Variants in LMF1 observed in about 807,000 individuals in gnomAD.
LMF1 encodes the protein transmembrane protein 112.
In LMF1, 68 loss-of-function variants were observed where a neutral mutation model predicts 60.6. The ratio of observed to expected loss-of-function variants is 1.12; its 90% CI spans 0.92 to 1.37. The LOEUF (loss-of-function observed/expected upper bound fraction) is 1.37, where lower values mean the gene tolerates loss of function less well. Among genes scored for constraint, LMF1 ranks in the 40% most tolerant of loss-of-function variants. The pLI, the probability that LMF1 is intolerant of heterozygous loss-of-function variation, is 0.00. For missense variants in LMF1, 948 were observed against 767.2 expected, an observed-to-expected ratio of 1.24 and a Z score of -2.78; for synonymous variants, 418 against 324.7, an observed-to-expected ratio of 1.29 and a Z score of -3.09.
At chr16:855,236 G>C (rs2069153616) in intron 10 of LMF1, 1 of 239,216 alleles carries the variant, frequency 4.2e-6, no homozygotes, top group Admixed American at 5.2e-5. Context: ...CGGAGCCTCT[G>C]CTTCCCAGGG....
chr16:870,666 G>A (rs916238059), intron 8 of LMF1, 63 bp downstream of exon 8: 4 of 1,579,606 alleles, frequency 2.5e-6, no homozygotes, highest in Non-Finnish European at 3.5e-6. Flanking sequence ...CCTGAATGTG[G>A]CTGGTCAGGG....
intron 2 of LMF1, 125 bp from the exon 3 acceptor site, chr16:934,379 G>A (rs1447739481): frequency 5.0e-6 from 6 of 1,208,598 alleles, no homozygotes; most frequent in African/African-American, 3.0e-5. Flanking sequence ...GAAGCCCTGC[G>A]AGGAGGACCT....
chr16:854,831 A>G, intron 10 of LMF1, 125 bp from the exon 11 acceptor site: 1 of 893,074 alleles, frequency 1.1e-6, no homozygotes, highest in Non-Finnish European at 1.8e-6. Flanking sequence ...CTGCATGAGG[A>G]GCCCCCACCC....
In LMF1 at chr16:870,876, A is replaced by C. The variant is rs368408082; in HGVS notation, c.1085T>G (p.Val362Gly). Residue 362 changes from valine to glycine, a missense_variant, in exon 8 of 11, where the codon GTG becomes GGG. Val to Gly is a moderately radical substitution (Grantham distance 109). Coordinates refer to ENST00000262301, the MANE Select transcript of LMF1 (RefSeq NM_022773.4). ...GARPEPRFGS[V>G]VRRAANVSLG... ...CGAGACGTTGGCTGCACGCCGCACC[A>C]CGGAGCCTGGCAGGGGAGTGACATC... is the stretch of plus-strand genomic sequence containing the variant. 152 of 1,606,878 alleles carry C rather than the reference A, an allele frequency of 9.5e-5. No individual in the cohort carries two copies. The highest frequency in any genetic ancestry group is 7.3e-4 in the South Asian group (66 of 90,880).
rs1567312799 is a variant in LMF1 at position 954,059 on chromosome 16, A to ACCCACCCCAAAC, written c.503+297_503+298insGTTTGGGGTGGG. Among the ~76,000 whole-genome samples the ACCCACCCCAAAC allele has an allele frequency of 9.2e-4, 129 of 140,794 alleles. 6 individuals are homozygous for ACCCACCCCAAAC. The highest frequency in any genetic ancestry group is 1.4e-3 in the African/African-American group (56 of 39,404). The allele number at this position is 140,794 out of a possible 152,430, so 92.4% of individuals were successfully genotyped here. A position where few individuals can be genotyped will look rare whatever the true frequency, so the allele number is the denominator to read the frequency against. ...CAGCCTCCTACACGTCCACACAGAC[A>ACCCACCCCAAAC]CAGACCCACTGCTTCTGCCTCCCTT... On this transcript the variant is annotated intron_variant, in intron 2 of 10. Transcript: ENST00000262301.
At chr16:916,025 G>T (rs1476062369) in intron 3 of LMF1, among the ~76,000 whole-genome samples, 2 of 152,192 alleles carry the variant, frequency 1.3e-5, no homozygotes, top group African/African-American at 2.4e-5. Flanking sequence ...CACAGGGAGG[G>T]ACACGGGGTA....
intron 9 of LMF1, chr16:869,610 G>T (rs1221838727): frequency 3.1e-6 from 2 of 654,872 alleles, no homozygotes; most frequent in Non-Finnish European, 5.7e-6. Context: ...GTAGATACAG[G>T]GTCTCGCTAT....
At chr16:935,906 G>A (rs1458083070) in intron 2 of LMF1, among the ~76,000 whole-genome samples, 1 of 152,242 alleles carries the variant, frequency 6.6e-6, no homozygotes, top group East Asian at 1.9e-4. Context: ...CCGTGGGGGA[G>A]GTGGGCGGGG....
rs1340553041 is a variant in LMF1 at position 948,914 on chromosome 16, CAG to C, written c.503+5441_503+5442del. 7.4e-5 allele frequency among the ~76,000 whole-genome samples: 7 copies of C among 94,542 alleles called. 1 individual carries two copies. The highest frequency in any genetic ancestry group is 1.2e-4 in the Non-Finnish European group (6 of 52,002). 62.0% of individuals were successfully genotyped at this position (94,542 alleles called of 152,430 possible). On this transcript the variant is annotated intron_variant, in intron 2 of 10. Coordinates refer to ENST00000262301, the MANE Select transcript of LMF1 (RefSeq NM_022773.4). ...AGCCAACGACAGAGTCAGCCAACGACAGAGTCAGCCAACGACAGAGTCAGAGC... is the reference window on the plus strand; with the variant it reads ...AGCCAACGACAGAGTCAGCCAACGACAGTCAGCCAACGACAGAGTCAGAGC...
At chr16:937,266 A>T (rs1167700200) in intron 2 of LMF1, among the ~76,000 whole-genome samples, 1 of 152,348 alleles carries the variant, frequency 6.6e-6, no homozygotes, top group Non-Finnish European at 1.5e-5. Context: ...CATTTTCAAC[A>T]GTTGGAACTC....
In LMF1 at chr16:970,816, C is replaced by T; in HGVS notation, c.165G>A (p.Val55=). The change falls in exon 1 of 11, where the codon GTG becomes GTA. Residue 55 remains valine (V), a synonymous_variant. Coordinates refer to ENST00000262301, the MANE Select transcript of LMF1 (RefSeq NM_022773.4). ...HTGTFWLTRI[V]LLKALAFVYF... ...ACACGAAGGCTAGGGCCTTCAGGAG[C>T]ACGATCCGGGTCAGCCAGAAGGTGC... is the stretch of plus-strand genomic sequence containing the variant. The T allele has an allele frequency of 6.5e-7, 1 of 1,543,302 alleles. No individual in the cohort carries two copies. Among genetic ancestry groups the T allele is most frequent in the Non-Finnish European group, 8.7e-7 (1 of 1,144,436 alleles).
At chr16:944,496 T>A (rs2072188439) in intron 2 of LMF1, among the ~76,000 whole-genome samples, 1 of 152,188 alleles carries the variant, frequency 6.6e-6, no homozygotes, top group Non-Finnish European at 1.5e-5. Flanking sequence ...CTAGCTGTGG[T>A]GTACAAGGTG....
At chr16:946,757 T>C (rs1426787831) in intron 2 of LMF1, among the ~76,000 whole-genome samples, 2 of 152,256 alleles carry the variant, frequency 1.3e-5, no homozygotes, top group Admixed American at 1.3e-4. Context: ...CATGGATTCC[T>C]CTGCCTCTCA....
chr16:857,522 A>C (rs2069232919), intron 10 of LMF1, among the ~76,000 whole-genome samples: 2 of 63,256 alleles, frequency 3.2e-5, no homozygotes, highest in Admixed American at 1.6e-4. Flanking sequence ...GACGGGTGTG[A>C]GTGGTGTCAC....
chr16:885,200 A>T (rs1177770180), intron 5 of LMF1: 5 of 152,280 alleles, frequency 3.3e-5, no homozygotes, highest in African/African-American at 4.8e-5. Context: ...TTAAAGGCAT[A>T]TACTATAAAC....
At chr16:977,185 C>T in intron 1 of LMF1, 2 of 436,794 alleles carry the variant, frequency 4.6e-6, no homozygotes, top group Non-Finnish European at 9.3e-6. Flanking sequence ...AGTTCTCAGG[C>T]AGACGCCACC....
chr16:935,211 C>G (rs538449168), intron 2 of LMF1, among the ~76,000 whole-genome samples: 1 of 151,888 alleles, frequency 6.6e-6, no homozygotes, highest in East Asian at 1.9e-4. Context: ...GCAGTCCTCC[C>G]GCCTCAGCCT....
At chr16:859,286 C>T (rs1438765880) in intron 10 of LMF1, among the ~76,000 whole-genome samples, 3 of 66,438 alleles carry the variant, frequency 4.5e-5, no homozygotes, top group Admixed American at 1.4e-4. Flanking sequence ...TGTCTCGGGA[C>T]GGGTGTGAGT....
chr16:981,428 C>T (rs1035917836), upstream of LMF1: 1 of 292,344 alleles, frequency 3.4e-6, no homozygotes, highest in African/African-American at 2.4e-5. Flanking sequence ...CCTAGCTGAG[C>T]GTCAGGACGG....
Sources: allele counts gnomAD v4.1 joint callset (sites outside exome capture counted in the v4.1 genomes callset), GRCh38; gene constraint gnomAD v4.1.1; transcripts MANE v1.5; gene names NCBI Gene and HGNC (gene_info 2026-07-23, HGNC 2026-07-21).